The following MGAT4C variants were observed in gnomAD, a reference collection of about 807,000 sequenced individuals.
The protein encoded by MGAT4C is MGAT4 family member C.
A neutral mutation model predicts 40.1 loss-of-function variants in MGAT4C; 19 were observed. That is an observed-to-expected ratio of 0.47 (90% CI 0.33 to 0.70). The LOEUF (loss-of-function observed/expected upper bound fraction) is 0.70, where lower values mean the gene tolerates loss of function less well. MGAT4C is among the 30% of genes least tolerant of loss of function. MGAT4C has a pLI of 0.02. For synonymous variants in MGAT4C, 181 were observed against 187.1 expected, an observed-to-expected ratio of 0.97 and a Z score of 0.27; for missense variants, 491 against 563.2, an observed-to-expected ratio of 0.87 and a Z score of 1.30.
chr12:86,342,259 T>C (rs968803213), intron 3 of MGAT4C, among the ~76,000 whole-genome samples: 1 of 152,106 alleles, frequency 6.6e-6, no homozygotes, highest in African/African-American at 2.4e-5. Context: ...AAGCATAGCA[T>C]AGTAGCCCTA....
intron 2 of MGAT4C, among the ~76,000 whole-genome samples, chr12:86,724,280 TCTC>T (rs1387917744): frequency 2.8e-4 from 43 of 152,328 alleles, no homozygotes; most frequent in African/African-American, 1.0e-3. Context: ...TATTTAATGA[TCTC>T]CTCAGCACTG....
At chr12:86,082,839 A>G (rs181278160) in intron 1 of MGAT4C, among the ~76,000 whole-genome samples, 4 of 152,098 alleles carry the variant, frequency 2.6e-5, no homozygotes, top group Admixed American at 1.3e-4. Context: ...ATTGATTTAT[A>G]CTTTTATTTT....
At chr12:86,170,351 T>A (rs765141813) in intron 1 of MGAT4C, among the ~76,000 whole-genome samples, 8 of 152,222 alleles carry the variant, frequency 5.3e-5, no homozygotes, top group South Asian at 2.1e-4. Flanking sequence ...AACTTGATAC[T>A]TTCAGATAGT....
intron 2 of MGAT4C, among the ~76,000 whole-genome samples, chr12:86,695,072 A>G (rs1380600979): frequency 6.6e-6 from 1 of 152,214 alleles, no homozygotes; most frequent in African/African-American, 2.4e-5. Context: ...ACTCTACAGG[A>G]AAAAATCAAG....
At chr12:86,082,176 C>G (rs1395883161) in intron 1 of MGAT4C, among the ~76,000 whole-genome samples, 1 of 152,100 alleles carries the variant, frequency 6.6e-6, no homozygotes, top group Non-Finnish European at 1.5e-5. Context: ...AAACCACTAG[C>G]CTGAGAACCA....
In MGAT4C at chr12:86,394,132, C is replaced by T. The variant is rs1039972951; in HGVS notation, c.-120+41025G>A. Among the ~76,000 whole-genome samples, 5 of 152,156 alleles carry T rather than the reference C, an allele frequency of 3.3e-5. No homozygotes were observed. The East Asian group carries it at 9.7e-4, about 29-fold the overall frequency. On this transcript the variant is annotated intron_variant, in intron 3 of 7. Transcript: ENST00000548651. The stretch of plus-strand genomic sequence containing the variant: ...GAGGCCACTAGCATAATAAGGTAAC[C>T]AAAAGGATGGCAGAGAAGAGGGAAG...
At chr12:86,394,202 A>G (rs1004855727) in intron 3 of MGAT4C, among the ~76,000 whole-genome samples, 6 of 152,130 alleles carry the variant, frequency 3.9e-5, no homozygotes, top group African/African-American at 1.4e-4. Context: ...TTAATTCTCA[A>G]TTAATAAACA....
At chr12:86,062,815 G>C (rs1331231940) in intron 1 of MGAT4C, among the ~76,000 whole-genome samples, 1 of 151,834 alleles carries the variant, frequency 6.6e-6, no homozygotes, top group Non-Finnish European at 1.5e-5. Flanking sequence ...GAGAAGACAA[G>C]TTTGGAGAAA....
At chr12:86,335,820 T>C (rs1035593792) in intron 3 of MGAT4C, among the ~76,000 whole-genome samples, 3 of 152,126 alleles carry the variant, frequency 2.0e-5, no homozygotes, top group Non-Finnish European at 2.9e-5. Flanking sequence ...TGTCTACAAA[T>C]GTAATCATTT....
intron 1 of MGAT4C, among the ~76,000 whole-genome samples, chr12:86,736,401 C>T (rs1194394277): frequency 6.6e-6 from 1 of 151,858 alleles, no homozygotes; most frequent in Non-Finnish European, 1.5e-5. Context: ...AACATTCATA[C>T]TTCCCTTATT....
At chr12:86,151,601 GA>G (rs200842104) in intron 1 of MGAT4C, among the ~76,000 whole-genome samples, 43 of 141,800 alleles carry the variant, frequency 3.0e-4, no homozygotes, top group South Asian at 9.1e-4. Flanking sequence ...GTCTCAAAAA[GA>G]AAAAAAAAAA....
In MGAT4C at chr12:86,206,887, C is replaced by T. The variant is rs569708291; in HGVS notation, c.-57+49352G>A. On this transcript the variant is annotated intron_variant, in intron 1 of 4. Transcript: ENST00000611864. Reference sequence around the variant, plus strand: ...AAGAATAAACAAGACGATCACTTCACCTCAGTTTCTTTTTCTTCCTTTTTA... The same window carrying T: ...AAGAATAAACAAGACGATCACTTCATCTCAGTTTCTTTTTCTTCCTTTTTA... 2.5e-3 allele frequency among the ~76,000 whole-genome samples: 377 copies of T among 152,238 alleles called. 1 individual carries two copies. The highest frequency in any genetic ancestry group is 0.01 in the Middle Eastern group (3 of 294).
chr12:86,509,536 C>A (rs1205489102), intron 2 of MGAT4C, among the ~76,000 whole-genome samples: 6 of 152,016 alleles, frequency 3.9e-5, no homozygotes, highest in Admixed American at 1.3e-4. Context: ...ATTGACTTGG[C>A]GATGGGGGCT....
At chr12:86,587,078 G>A (rs1467803927) in intron 2 of MGAT4C, among the ~76,000 whole-genome samples, 2 of 151,892 alleles carry the variant, frequency 1.3e-5, no homozygotes, top group African/African-American at 4.8e-5. Context: ...GGGTTTTTAT[G>A]GTTTTAGGTC....
intron 2 of MGAT4C, among the ~76,000 whole-genome samples, chr12:86,475,516 C>T (rs1957820695): frequency 6.6e-6 from 1 of 151,770 alleles, no homozygotes; most frequent in African/African-American, 2.4e-5. Flanking sequence ...AATTGTTAGT[C>T]ATCAATTTGA....
intron 2 of MGAT4C, among the ~76,000 whole-genome samples, chr12:86,592,563 C>T (rs1020902025): frequency 4.6e-5 from 7 of 152,104 alleles, no homozygotes; most frequent in African/African-American, 9.7e-5. Flanking sequence ...TTTGTCAATG[C>T]GAGGCACATG....
chr12:86,378,239 T>C (rs987346425), intron 3 of MGAT4C, among the ~76,000 whole-genome samples: 2 of 151,814 alleles, frequency 1.3e-5, no homozygotes, highest in Non-Finnish European at 2.9e-5. Context: ...ATTGTTGGAC[T>C]ATATGGCAAT....
chr12:86,641,926 C>T (rs1262505511), intron 2 of MGAT4C, among the ~76,000 whole-genome samples: 1 of 151,758 alleles, frequency 6.6e-6, no homozygotes, highest in Non-Finnish European at 1.5e-5. Context: ...AATATATTAC[C>T]TGTTTTTCCT....
rs1007427602 is a variant in MGAT4C, at chr12:85,964,444, A to G, written c.*14845T>C. The stretch of plus-strand genomic sequence containing the variant: ...TTTAATACCAGGATGAAATAATAGT[A>G]TCATTCTATTTCAGGTTCTTAAGCA... On this transcript the variant is annotated 3_prime_UTR_variant, in exon 5 of 5. Transcript: ENST00000611864. 3 of 152,138 alleles carry G rather than the reference A, an allele frequency of 2.0e-5. No individual in the cohort carries two copies. Among genetic ancestry groups the G allele is most frequent in the African/African-American group, 7.2e-5 (3 of 41,446 alleles). 9.4% of individuals were successfully genotyped at this position (152,138 alleles called of 1,614,324 possible). A position where few individuals can be genotyped will look rare whatever the true frequency, so the allele number is the denominator to read the frequency against.
Sources: gnomAD v4.1 joint callset for allele counts (sites outside exome capture counted in the v4.1 genomes callset) on GRCh38, gnomAD v4.1.1 for gene constraint, MANE v1.5 for transcripts, NCBI Gene and HGNC (gene_info 2026-07-23, HGNC 2026-07-21) for gene names.